Variants in CDC73 observed in about 807,000 individuals in gnomAD.
CDC73 encodes the protein parafibromin.
In CDC73, 21 loss-of-function variants were observed where a neutral mutation model predicts 83.7. The observed-to-expected ratio is 0.25, with a 90% confidence interval of 0.18 to 0.36. The LOEUF (loss-of-function observed/expected upper bound fraction) is 0.36, where lower values mean the gene tolerates loss of function less well. Ranked by LOEUF, CDC73 falls within the 10% of genes least tolerant of loss-of-function variation. The pLI is 1.00. For synonymous variants in CDC73, 224 were observed against 212.9 expected, an observed-to-expected ratio of 1.05 and a Z score of -0.45; for missense variants, 342 against 653.3, an observed-to-expected ratio of 0.52 and a Z score of 5.19.
Position 193,137,597 on chromosome 1 carries a change from T to G in CDC73, c.424-488T>G, listed in dbSNP as rs1056313001. On this transcript the variant is annotated intron_variant, in intron 5 of 16. Transcript: ENST00000367435. ...GCCCATGAGGCGTTTAGTTGGAAGCTTCTAACGTTCTAATGACCATCCTTT... is the reference window on the plus strand; with the variant it reads ...GCCCATGAGGCGTTTAGTTGGAAGCGTCTAACGTTCTAATGACCATCCTTT... 5.9e-5 allele frequency among the ~76,000 whole-genome samples: 9 copies of G among 152,210 alleles called. No individual in the cohort carries two copies. In the East Asian group the frequency reaches 1.5e-3, roughly 26 times the overall value.
At chr1:193,229,036 A>T (rs1191472959) in intron 13 of CDC73, among the ~76,000 whole-genome samples, 1 of 152,182 alleles carries the variant, frequency 6.6e-6, no homozygotes, top group Non-Finnish European at 1.5e-5. Context: ...GTTGTTGAGG[A>T]AGTAAAAATT....
At position 193,141,943 on chromosome 1, in the gene CDC73, T is replaced by C; in HGVS notation, c.606T>C (p.Asp202=). 6.2e-7 allele frequency: 1 copy of C among 1,613,846 alleles called. No homozygotes were observed. The highest frequency in any genetic ancestry group is 8.5e-7 in the Non-Finnish European group (1 of 1,179,802). The part of the protein sequence containing the change: ...KKRSTIKTDL[D]DDITALKQRS... Reference sequence around the variant, plus strand: ...GATCTACTATCAAGACTGATCTAGATGATGACATAACTGCCCTTAAACAGA... The same window carrying C: ...GATCTACTATCAAGACTGATCTAGACGATGACATAACTGCCCTTAAACAGA... Residue 202 remains aspartate (D), a synonymous_variant, in exon 7 of 17, where the codon GAT becomes GAC. Transcript: ENST00000367435.
rs567587199 is a variant in CDC73, at chr1:193,253,828, A to G, written c.*3116A>G. Reference sequence around the variant, plus strand: ...AAGTAAAAGTAAACTATTCATTTAAATAAGATTCATTATCTAATAAATATT... The same window carrying G: ...AAGTAAAAGTAAACTATTCATTTAAGTAAGATTCATTATCTAATAAATATT... On this transcript the variant is annotated 3_prime_UTR_variant, in exon 17 of 17. Coordinates refer to ENST00000367435, the MANE Select transcript of CDC73 (RefSeq NM_024529.5). 3.9e-5 allele frequency: 9 copies of G among 228,758 alleles called. No individual in the cohort carries two copies. Among genetic ancestry groups the G allele is most frequent in the African/African-American group, 1.5e-4 (7 of 45,280 alleles). 14.2% of individuals were successfully genotyped at this position (228,758 alleles called of 1,614,324 possible).
intron 10 of CDC73, among the ~76,000 whole-genome samples, chr1:193,177,380 A>AAAAAAAAC (rs1676625257): frequency 1.4e-5 from 2 of 144,780 alleles, no homozygotes; most frequent in Non-Finnish European, 3.0e-5. Context: ...AAAAAAAAAA[A>AAAAAAAAC]TCAGCCGGGC....
chr1:193,217,152 G>A (rs1460516499), intron 13 of CDC73, among the ~76,000 whole-genome samples: 1 of 152,094 alleles, frequency 6.6e-6, no homozygotes, highest in East Asian at 1.9e-4. Flanking sequence ...CCCAGCTGCT[G>A]CTGAAACCTC....
chr1:193,188,683 T>A (rs1676865780), intron 10 of CDC73, among the ~76,000 whole-genome samples: 1 of 152,068 alleles, frequency 6.6e-6, no homozygotes, highest in Non-Finnish European at 1.5e-5. Context: ...GTTCTTTTGA[T>A]TGGATTTTTT....
intron 16 of CDC73, among the ~76,000 whole-genome samples, chr1:193,250,356 A>G (rs1678025345): frequency 6.6e-6 from 1 of 151,932 alleles, no homozygotes; most frequent in Non-Finnish European, 1.5e-5. Context: ...ATTTAAGAAC[A>G]GCCTATAATC....
chr1:193,134,034 C>G (rs1675742849), intron 3 of CDC73, among the ~76,000 whole-genome samples: 1 of 151,842 alleles, frequency 6.6e-6, no homozygotes, highest in Non-Finnish European at 1.5e-5. Flanking sequence ...CCCCTACACC[C>G]CCATTGAAGA....
chr1:193,161,379 T>C (rs1676305616), intron 10 of CDC73, among the ~76,000 whole-genome samples: 2 of 151,218 alleles, frequency 1.3e-5, no homozygotes, highest in Admixed American at 6.6e-5. Context: ...AGATCTTACT[T>C]TTGTTTTAAT....
intron 15 of CDC73, chr1:193,237,238 G>A (rs1558321551): frequency 1.3e-5 from 2 of 152,004 alleles, no homozygotes; most frequent in African/African-American, 2.4e-5. Flanking sequence ...AGCAGCCCCA[G>A]TTTTTGTTAG....
intron 13 of CDC73, among the ~76,000 whole-genome samples, chr1:193,226,767 G>A (rs190275883): frequency 5.9e-4 from 90 of 152,210 alleles, no homozygotes; most frequent in African/African-American, 1.8e-3. Flanking sequence ...AGGGATGTTG[G>A]TCTGTAGTTT....
At chr1:193,149,298 C>T (rs1676064220) in intron 8 of CDC73, among the ~76,000 whole-genome samples, 1 of 151,542 alleles carries the variant, frequency 6.6e-6, no homozygotes, top group Non-Finnish European at 1.5e-5. Flanking sequence ...ACTGTTCCAC[C>T]TCAGATCCTC....
At chr1:193,185,387 C>T (rs1356569203) in intron 10 of CDC73, among the ~76,000 whole-genome samples, 1 of 151,940 alleles carries the variant, frequency 6.6e-6, no homozygotes, top group Non-Finnish European at 1.5e-5. Context: ...ACTCACACTA[C>T]CTTATGTGAT....
intron 11 of CDC73, among the ~76,000 whole-genome samples, chr1:193,209,653 A>G (rs1422732093): frequency 6.6e-6 from 1 of 152,058 alleles, no homozygotes; most frequent in Admixed American, 6.6e-5. Context: ...ACTTGTTTAT[A>G]TTCTTTTGCA....
At chr1:193,230,416 G>A (rs972245745) in intron 13 of CDC73, among the ~76,000 whole-genome samples, 2 of 149,592 alleles carry the variant, frequency 1.3e-5, no homozygotes, top group African/African-American at 4.9e-5. Flanking sequence ...CAAAGTGCTG[G>A]GATTACAGGC....
At chr1:193,154,363 A>G (rs1481266446) in intron 10 of CDC73, among the ~76,000 whole-genome samples, 4 of 152,186 alleles carry the variant, frequency 2.6e-5, no homozygotes, top group Non-Finnish European at 5.9e-5. Flanking sequence ...TTTTACAGTG[A>G]TGCTTTGTAC....
chr1:193,123,014 C>T (rs1449663746), intron 1 of CDC73, among the ~76,000 whole-genome samples: 1 of 152,092 alleles, frequency 6.6e-6, no homozygotes, highest in African/African-American at 2.4e-5. Flanking sequence ...AATGTTGGTC[C>T]ATGTGAAGTT....
At chr1:193,135,040 A>ATG (rs980861142) in intron 3 of CDC73, among the ~76,000 whole-genome samples, 1 of 73,444 alleles carries the variant, frequency 1.4e-5, no homozygotes, top group Admixed American at 1.8e-4. Flanking sequence ...GTCCATATAT[A>ATG]TGTGTGTGTA....
rs552398526 is a variant in CDC73, at chr1:193,228,212, C to T, written c.1155-4781C>T. Among the ~76,000 whole-genome samples, 4 of 152,186 alleles carry T rather than the reference C, an allele frequency of 2.6e-5. No homozygotes were observed. The East Asian group carries it at 7.7e-4, about 29-fold the overall frequency. On this transcript the variant is annotated intron_variant, in intron 13 of 16. Coordinates refer to ENST00000367435, the MANE Select transcript of CDC73 (RefSeq NM_024529.5). Reference sequence around the variant, plus strand: ...TGATGGTATCTTAGAGTTGCTGTGGCTAGGTGGCAGTCCTGACATAGTTTT... The same window carrying T: ...TGATGGTATCTTAGAGTTGCTGTGGTTAGGTGGCAGTCCTGACATAGTTTT...
Sources: gnomAD v4.1 joint callset for allele counts (sites outside exome capture counted in the v4.1 genomes callset) on GRCh38, gnomAD v4.1.1 for gene constraint, MANE v1.5 for transcripts, NCBI Gene and HGNC (gene_info 2026-07-23, HGNC 2026-07-21) for gene names.